The following PTPN2 variants were observed in gnomAD, a reference collection of about 807,000 sequenced individuals.
The protein encoded by PTPN2 is tyrosine-protein phosphatase non-receptor type 2.
A neutral mutation model predicts 57.3 loss-of-function variants in PTPN2; 19 were observed. The ratio of observed to expected loss-of-function variants is 0.33; its 90% CI spans 0.23 to 0.49. The LOEUF (loss-of-function observed/expected upper bound fraction) is 0.49, where lower values mean the gene tolerates loss of function less well. Among genes scored for constraint, PTPN2 ranks in the 20% least tolerant of loss-of-function variants. The probability of loss-of-function intolerance (pLI) is 0.99; values close to 1 mark genes in which losing one functional copy is unlikely to be tolerated. For synonymous variants in PTPN2, 153 were observed against 164.9 expected (o/e 0.93, Z 0.55); for missense variants, 358 against 501.1 (o/e 0.71, Z 2.73).
chr18:12,794,366 G>C lies in PTPN2; in HGVS notation c.1160C>G (p.Pro387Arg), dbSNP rs780534824. The change falls in exon 9 of 9, where the codon CCT becomes CGT. Residue 387 changes from proline to arginine, a missense_variant. Pro to Arg is a moderately radical substitution (Grantham distance 103). Coordinates refer to ENST00000309660, the MANE Select transcript of PTPN2 (RefSeq NM_002828.4). ...CATAAACCCCATCTTAGTGAGAATA[G>C]GTTGCCAATATAACCACCTTTTTCT... ...RKRKRWLYWQPILTKMGFMSV... is the reference protein window; with the variant it reads ...RKRKRWLYWQRILTKMGFMSV... 1 of 1,614,160 alleles carries C rather than the reference G, an allele frequency of 6.2e-7. No homozygotes were observed.
At chr18:12,861,631 A>G (rs902261863) in intron 1 of PTPN2, among the ~76,000 whole-genome samples, 6 of 152,212 alleles carry the variant, frequency 3.9e-5, no homozygotes, top group African/African-American at 1.2e-4. Context: ...TAGATACCTG[A>G]TAAGTTTTGT....
intron 1 of PTPN2, among the ~76,000 whole-genome samples, chr18:12,876,417 G>A (rs1240924648): frequency 2.6e-5 from 4 of 151,716 alleles, no homozygotes; most frequent in East Asian, 1.9e-4. Flanking sequence ...AGTGACCTAC[G>A]ATCGTGCCAC....
intron 1 of PTPN2, among the ~76,000 whole-genome samples, chr18:12,879,934 A>C (rs187187548): frequency 6.6e-6 from 1 of 152,136 alleles, no homozygotes; most frequent in Admixed American, 6.5e-5. Flanking sequence ...CACCTTAAAC[A>C]CTTTTTTCCT....
intron 2 of PTPN2, among the ~76,000 whole-genome samples, chr18:12,841,156 CT>C (rs368634503): frequency 1.2e-3 from 188 of 152,196 alleles, no homozygotes; most frequent in Non-Finnish European, 2.4e-3. Context: ...CTGAATAGGC[CT>C]AGTGAGATCA....
At chr18:12,789,284 A>G (rs888554958), downstream of PTPN2, among the ~76,000 whole-genome samples, 43 of 152,216 alleles carry the variant, frequency 2.8e-4, no homozygotes, top group Non-Finnish European at 4.0e-4. Context: ...GAAGATAGCT[A>G]TAAGGGAAAG....
chr18:12,799,536 A>G lies in PTPN2; in HGVS notation c.1040+2434T>C, dbSNP rs569884233. On this transcript the variant is annotated intron_variant, in intron 8 of 8. Coordinates refer to ENST00000309660, the MANE Select transcript of PTPN2 (RefSeq NM_002828.4). ...TTACTGGGACTGATTAAAAAATAAAACTGTTCAGAGTAACCTTTACTTCAC... is the reference window on the plus strand; with the variant it reads ...TTACTGGGACTGATTAAAAAATAAAGCTGTTCAGAGTAACCTTTACTTCAC... Among the ~76,000 whole-genome samples the G allele has an allele frequency of 7.9e-5, 12 of 152,136 alleles. No individual in the cohort carries two copies. In the South Asian group the frequency reaches 2.5e-3, roughly 32 times the overall value.
chr18:12,857,471 T>C (rs922583717), intron 2 of PTPN2, among the ~76,000 whole-genome samples: 2 of 152,194 alleles, frequency 1.3e-5, no homozygotes, highest in Non-Finnish European at 2.9e-5. Context: ...GTATACTCGA[T>C]CTTTCTGTAT....
intron 4 of PTPN2, among the ~76,000 whole-genome samples, chr18:12,829,522 AAG>A (rs1405220973): frequency 7.3e-5 from 11 of 151,292 alleles, no homozygotes; most frequent in African/African-American, 2.4e-4. Context: ...AAAAAAAAAA[AAG>A]AGGACTCAGG....
intron 1 of PTPN2, among the ~76,000 whole-genome samples, chr18:12,876,631 T>C (rs1046652860): frequency 2.6e-5 from 4 of 152,232 alleles, no homozygotes; most frequent in Non-Finnish European, 5.9e-5. Flanking sequence ...ACATTCCCCA[T>C]TGGGGCACCC....
chr18:12,812,407 C>T (rs192741138), intron 7 of PTPN2, among the ~76,000 whole-genome samples: 1 of 152,292 alleles, frequency 6.6e-6, no homozygotes, highest in Admixed American at 6.5e-5. Flanking sequence ...CGAGACCAGC[C>T]TGGTCAACAC....
intron 7 of PTPN2, among the ~76,000 whole-genome samples, chr18:12,807,586 A>AAAAAAAAAAAAAAAAAT: frequency 5.7e-5 from 2 of 35,200 alleles, no homozygotes; most frequent in Admixed American, 5.6e-4. Context: ...AAAAAAAAAA[A>AAAAAAAAAAAAAAAAAT]ATATATATAT....
intron 7 of PTPN2, among the ~76,000 whole-genome samples, chr18:12,812,627 GTGTGGTA>G (rs1294562875): frequency 1.3e-5 from 2 of 152,124 alleles, no homozygotes; most frequent in Non-Finnish European, 2.9e-5. Flanking sequence ...CCAGTAGCAT[GTGTGGTA>G]TGTATTTATT....
At chr18:12,820,059 T>C (rs928706642) in intron 5 of PTPN2, among the ~76,000 whole-genome samples, 2 of 152,182 alleles carry the variant, frequency 1.3e-5, no homozygotes, top group African/African-American at 4.8e-5. Context: ...GGCTCAAACA[T>C]ATGGTTACCC....
intron 7 of PTPN2, among the ~76,000 whole-genome samples, chr18:12,811,203 C>T (rs796288687): frequency 3.1e-4 from 47 of 152,236 alleles, no homozygotes; most frequent in African/African-American, 1.1e-3. Flanking sequence ...AGAATTTTAA[C>T]CTAGGCAAGT....
chr18:12,855,832 A>G (rs576516265), intron 2 of PTPN2, among the ~76,000 whole-genome samples: 33 of 152,356 alleles, frequency 2.2e-4, no homozygotes, highest in Non-Finnish European at 3.4e-4. Flanking sequence ...TATTTTTTAA[A>G]TATAAAAACA....
chr18:12,839,905 G>A (rs182496154), intron 2 of PTPN2, among the ~76,000 whole-genome samples: 1 of 150,738 alleles, frequency 6.6e-6, no homozygotes, highest in African/African-American at 2.4e-5. Flanking sequence ...TGACAATACA[G>A]ATTAGTTTCC....
At chr18:12,854,172 A>C (rs146119270) in intron 2 of PTPN2, among the ~76,000 whole-genome samples, 10 of 152,194 alleles carry the variant, frequency 6.6e-5, no homozygotes, top group African/African-American at 2.4e-4. Context: ...CAGCCTGGGC[A>C]ACATGACGAA....
intron 1 of PTPN2, among the ~76,000 whole-genome samples, chr18:12,872,453 T>C (rs1380705028): frequency 6.6e-6 from 1 of 152,230 alleles, no homozygotes; most frequent in Non-Finnish European, 1.5e-5. Context: ...AAATCAGACA[T>C]ACTGGATTTG....
intron 2 of PTPN2, among the ~76,000 whole-genome samples, chr18:12,858,470 A>AC (rs762930122): frequency 6.6e-6 from 1 of 152,252 alleles, no homozygotes; most frequent in Non-Finnish European, 1.5e-5. Context: ...GTGTGTGTAT[A>AC]CATCATAATC....
Sources: allele counts gnomAD v4.1 joint callset (sites outside exome capture counted in the v4.1 genomes callset), GRCh38; gene constraint gnomAD v4.1.1; transcripts MANE v1.5; gene names NCBI Gene and HGNC (gene_info 2026-07-23, HGNC 2026-07-21).